The following SLC24A2 variants were observed in gnomAD, a reference collection of about 807,000 sequenced individuals.
The protein encoded by SLC24A2 is sodium/potassium/calcium exchanger 2.
A neutral mutation model predicts 62.0 loss-of-function variants in SLC24A2; 36 were observed. That is an observed-to-expected ratio of 0.58 (90% confidence interval 0.44 to 0.77). SLC24A2 has a LOEUF of 0.77. Ranked by LOEUF, SLC24A2 falls within the 30% of genes least tolerant of loss-of-function variation. The pLI, the probability that SLC24A2 is intolerant of heterozygous loss-of-function variation, is 0.00. For missense variants in SLC24A2, 846 were observed against 817.9 expected (o/e 1.03, Z -0.42); for synonymous variants, 358 against 294.0 (o/e 1.22, Z -2.23).
At chr9:20,009,887 T>G in the SLC24A2 span, among the ~76,000 whole-genome samples, 1 of 152,188 alleles carries the variant, frequency 6.6e-6, no homozygotes, top group Non-Finnish European at 1.5e-5. Flanking sequence ...GAGCAGAGCC[T>G]GTGGCCCTGC....
At chr9:20,106,941 T>C in the SLC24A2 span, among the ~76,000 whole-genome samples, 87 of 152,332 alleles carry the variant, frequency 5.7e-4, no homozygotes, top group Non-Finnish European at 1.1e-3. Context: ...ATTGTGTATC[T>C]AGAAAACCCC....
chr9:19,829,526 G>A, the SLC24A2 span, among the ~76,000 whole-genome samples: 3 of 151,806 alleles, frequency 2.0e-5, no homozygotes, highest in South Asian at 4.2e-4. Flanking sequence ...CCACCTTACC[G>A]CAGCTGTTAG....
chr9:19,520,054 T>C (rs1833115272), intron 10 of SLC24A2, among the ~76,000 whole-genome samples: 1 of 152,148 alleles, frequency 6.6e-6, no homozygotes, highest in African/African-American at 2.4e-5. Flanking sequence ...ACAGTGCACA[T>C]GGTAGACACT....
the SLC24A2 span, among the ~76,000 whole-genome samples, chr9:19,979,766 A>C: frequency 1.9e-3 from 288 of 152,292 alleles, 1 homozygote; most frequent in African/African-American, 6.8e-3. Context: ...AAATTGCCAT[A>C]AGACATAGAG....
At chr9:19,666,615 G>C (rs1206081032) in intron 2 of SLC24A2, among the ~76,000 whole-genome samples, 7 of 152,148 alleles carry the variant, frequency 4.6e-5, no homozygotes, top group African/African-American at 1.2e-4. Flanking sequence ...AGAAAGCCCA[G>C]CAGTGTAGAG....
At chr9:19,830,366 G>T in the SLC24A2 span, among the ~76,000 whole-genome samples, 1 of 152,052 alleles carries the variant, frequency 6.6e-6, no homozygotes, top group Non-Finnish European at 1.5e-5. Flanking sequence ...ATATTTATTT[G>T]CCATGAGGCA....
Position 19,516,188 on chromosome 9 carries a change from C to T in SLC24A2, c.1951G>A (p.Glu651Lys), listed in dbSNP as rs1319634318. The stretch of plus-strand genomic sequence containing the variant: ...ACGGGGCATGTAAGAATTCTGTCTT[C>T]TAGGAGAACGCTCACCACCAGGAAC... ...FVFLVVSVLL[E>K]DRILTCPVSI Residue 651 changes from glutamate to lysine, a missense_variant, in exon 11 of 11, where the codon GAA becomes AAA. Physicochemically the swap from Glu to Lys is moderately conservative, Grantham distance 56. Transcript: ENST00000341998. 1 of 1,614,134 alleles carries T rather than the reference C, an allele frequency of 6.2e-7. No homozygotes were observed. The highest frequency in any genetic ancestry group is 8.5e-7 in the Non-Finnish European group (1 of 1,180,024).
At chr9:19,535,349 T>C (rs932663838) in intron 8 of SLC24A2, among the ~76,000 whole-genome samples, 1 of 152,190 alleles carries the variant, frequency 6.6e-6, no homozygotes, top group African/African-American at 2.4e-5. Flanking sequence ...AGAAGCTCTT[T>C]AGTTTAATGA....
the SLC24A2 span, among the ~76,000 whole-genome samples, chr9:20,142,007 T>C: frequency 4.6e-5 from 7 of 152,200 alleles, no homozygotes; most frequent in African/African-American, 1.4e-4. Flanking sequence ...TATTGGAACC[T>C]GGGAGGCAGA....
chr9:20,115,017 T>C, the SLC24A2 span, among the ~76,000 whole-genome samples: 2 of 152,044 alleles, frequency 1.3e-5, no homozygotes, highest in African/African-American at 4.8e-5. Flanking sequence ...ACGCTTTTCA[T>C]AGAGGAGAGG....
the SLC24A2 span, among the ~76,000 whole-genome samples, chr9:19,914,015 A>T: frequency 1.3e-5 from 2 of 152,050 alleles, no homozygotes; most frequent in East Asian, 3.8e-4. Context: ...CCCAATCTTG[A>T]TTAACTGGGT....
the SLC24A2 span, among the ~76,000 whole-genome samples, chr9:20,037,632 T>A: frequency 6.6e-6 from 1 of 152,200 alleles, no homozygotes; most frequent in Admixed American, 6.5e-5. Flanking sequence ...TGGTCCCAAA[T>A]AGACTATTTA....
the SLC24A2 span, among the ~76,000 whole-genome samples, chr9:19,858,557 G>A: frequency 6.6e-6 from 1 of 152,052 alleles, no homozygotes; most frequent in African/African-American, 2.4e-5. Context: ...TGAATAAACA[G>A]ACAACCTACA....
At chr9:19,955,377 GTT>G in the SLC24A2 span, among the ~76,000 whole-genome samples, 85 of 143,424 alleles carry the variant, frequency 5.9e-4, no homozygotes, top group African/African-American at 2.0e-3. Flanking sequence ...AAATTCTCAG[GTT>G]TTTTTTTTTT....
the SLC24A2 span, among the ~76,000 whole-genome samples, chr9:20,123,809 A>C: frequency 6.6e-6 from 1 of 152,194 alleles, no homozygotes; most frequent in South Asian, 2.1e-4. Context: ...CTTGTTTTAG[A>C]TAATTCCTGG....
In SLC24A2 at chr9:19,636,377, TTC is replaced by T. The variant is rs1818348962; in HGVS notation, c.931-14080_931-14079del. ...TTTCTTTCTTTCTTTCTTTCTTTCT[TTC>T]TTTCTTTCTCCCTCTCTCTCTCTCT... On this transcript the variant is annotated intron_variant, in intron 2 of 10. Transcript: ENST00000341998. Among the ~76,000 whole-genome samples the T allele has an allele frequency of 3.3e-4, 8 of 24,272 alleles. No individual in the cohort carries two copies. The South Asian group carries it at 0.015, about 47-fold the overall frequency. 15.9% of individuals were successfully genotyped at this position (24,272 alleles called of 152,430 possible).
At chr9:19,840,099 A>T in the SLC24A2 span, among the ~76,000 whole-genome samples, 2 of 152,230 alleles carry the variant, frequency 1.3e-5, no homozygotes, top group African/African-American at 4.8e-5. Context: ...AACTCAAAAC[A>T]TAACAAAATC....
At chr9:20,272,932 T>C in the SLC24A2 span, among the ~76,000 whole-genome samples, 8 of 152,176 alleles carry the variant, frequency 5.3e-5, no homozygotes, top group Non-Finnish European at 7.4e-5. Flanking sequence ...GATCCCTCAG[T>C]GTGTTCTTTA....
chr9:19,527,947 A>G (rs949502740), intron 9 of SLC24A2, 102 bp downstream of exon 9: 12 of 763,916 alleles, frequency 1.6e-5, no homozygotes, highest in Admixed American at 1.0e-4. Flanking sequence ...GTCACACCCA[A>G]TACTGTTGTG....
Sources: allele counts gnomAD v4.1 joint callset (sites outside exome capture counted in the v4.1 genomes callset), GRCh38; gene constraint gnomAD v4.1.1; transcripts MANE v1.5; gene names NCBI Gene and HGNC (gene_info 2026-07-23, HGNC 2026-07-21).